Variants in SLC25A46 observed in about 807,000 individuals in gnomAD.
SLC25A46 encodes mitochondrial outer membrane protein SLC25A46.
In SLC25A46, 39 loss-of-function variants were observed where a neutral mutation model predicts 44.6. The ratio of observed to expected loss-of-function variants is 0.87; its 90% CI spans 0.68 to 1.14. The LOEUF (loss-of-function observed/expected upper bound fraction) is 1.14, where lower values mean the gene tolerates loss of function less well. Among genes scored for constraint, SLC25A46 ranks in the 50% most tolerant of loss-of-function variants. SLC25A46 has a pLI of 0.00. For synonymous variants in SLC25A46, 202 were observed against 185.8 expected (o/e 1.09, Z -0.71); for missense variants, 547 against 522.7 (o/e 1.05, Z -0.45).
rs1353261706 is a variant in SLC25A46 at position 110,742,233 on chromosome 5, G to A, written c.326+144G>A. 16 of 531,220 alleles carry A rather than the reference G, an allele frequency of 3.0e-5. No individual in the cohort carries two copies. The African/African-American group carries it at 3.0e-4, about 10-fold the overall frequency. 32.9% of individuals were successfully genotyped at this position (531,220 alleles called of 1,614,324 possible). On this transcript the variant is annotated intron_variant, in intron 2 of 7. Transcript: ENST00000355943. The stretch of plus-strand genomic sequence containing the variant: ...CTTAAATTTTGAATAATATTTTGCA[G>A]AAAAAAAATGACCATTATTTAAAAT...
chr5:110,761,358 T>C lies in SLC25A46; in HGVS notation c.833T>C (p.Ile278Thr). ...TVLHGVLHYI[I>T]SSVIQKFVLL... The stretch of plus-strand genomic sequence containing the variant: ...CTTCATGGAGTTCTTCATTACATCA[T>C]CAGCTCAGTTATTCAGAAGTTTGTC... Residue 278 changes from isoleucine to threonine, a missense_variant, in exon 8 of 8, where the codon ATC becomes ACC. Physicochemically the swap from Ile to Thr is moderately conservative, Grantham distance 89 (BLOSUM62 -1). Transcript: ENST00000355943. This position sits in a 1 kb window ranked among gnomAD's most constrained non-coding sequence, Gnocchi z 5.3. 6.2e-7 allele frequency: 1 copy of C among 1,613,820 alleles called. No homozygotes were observed. The highest frequency in any genetic ancestry group is 1.1e-5 in the South Asian group (1 of 91,078).
chr5:110,743,635 G>T, intron 2 of SLC25A46, 95 bp from the exon 3 acceptor site: 1 of 608,306 alleles, frequency 1.6e-6, no homozygotes, highest in Non-Finnish European at 2.7e-6. Flanking sequence ...AATAATGCAT[G>T]ATTCTTCAGG....
upstream of SLC25A46, chr5:110,738,259 C>A: frequency 7.8e-7 from 1 of 1,285,856 alleles, no homozygotes; most frequent in Non-Finnish European, 1.0e-6. Context: ...TAGTAGGGGA[C>A]GCTCTACAGT....
intron 1 of SLC25A46, among the ~76,000 whole-genome samples, chr5:110,740,516 T>G (rs141675454): frequency 1.1e-4 from 16 of 152,262 alleles, no homozygotes; most frequent in African/African-American, 3.9e-4. Flanking sequence ...TTTTGCAGCC[T>G]TAACAGGTGG....
rs1403291617 is a variant in SLC25A46 at position 110,739,022 on chromosome 5, C to A, written c.-98C>A. ...TCCGGTTGTCAGAATTTACCCCTGA[C>A]GCGGCGGCGGCCGACGGGAAGCTGT... On this transcript the variant is annotated 5_prime_UTR_variant, in exon 1 of 8. Transcript: ENST00000355943. 6.7e-7 allele frequency: 1 copy of A among 1,486,134 alleles called. No individual in the cohort carries two copies. 92.1% of individuals were successfully genotyped at this position (1,486,134 alleles called of 1,614,324 possible). A position where few individuals can be genotyped will look rare whatever the true frequency, so the allele number is the denominator to read the frequency against.
At position 110,739,171 on chromosome 5, in the gene SLC25A46, G is replaced by T. The variant is rs191332512; in HGVS notation, c.52G>T (p.Ala18Ser). The change falls in exon 1 of 8, where the codon GCC (alanine) becomes TCC (serine). Residue 18 changes from alanine to serine, a missense_variant. Ala to Ser is a moderately conservative substitution (Grantham distance 99). Transcript: ENST00000355943. ...TGATGGCTTGGGCTACCGGGGTGGT[G>T]CCCGGGACGAGCAGGGCTTTGGCGG... is the stretch of plus-strand genomic sequence containing the variant. ...GFDGLGYRGG[A>S]RDEQGFGGAF... The T allele has an allele frequency of 6.8e-4, 1,061 of 1,550,642 alleles. 9 individuals are homozygous for T. In the African/African-American group the frequency reaches 0.013, roughly 19 times the overall value.
chr5:110,752,539 T>A (rs1799991350), intron 5 of SLC25A46, among the ~76,000 whole-genome samples: 1 of 152,202 alleles, frequency 6.6e-6, no homozygotes, highest in Admixed American at 6.5e-5. Flanking sequence ...TCTGTGGTTA[T>A]ACCACTGTAA....
chr5:110,745,772 G>T (rs762646267), intron 3 of SLC25A46: 2 of 152,172 alleles, frequency 1.3e-5, no homozygotes, highest in Non-Finnish European at 2.9e-5. Flanking sequence ...GAGATCCAAT[G>T]GATACATTAC....
At chr5:110,755,425 C>T in intron 5 of SLC25A46, 40 bp from the exon 6 acceptor site, 2 of 1,293,290 alleles carry the variant, frequency 1.5e-6, no homozygotes, top group Non-Finnish European at 2.2e-6. Context: ...TTTTAAATAA[C>T]ATGGCTTTTG....
chr5:110,756,976 C>G, intron 7 of SLC25A46: 1 of 366,940 alleles, frequency 2.7e-6, no homozygotes, highest in Non-Finnish European at 4.8e-6. Context: ...TTGTCCTTTC[C>G]ATAGGCAACT....
intron 5 of SLC25A46, chr5:110,754,034 AC>A (rs1561605769): frequency 6.6e-6 from 1 of 152,152 alleles, no homozygotes; most frequent in African/African-American, 2.4e-5. Context: ...GATTTCAGCT[AC>A]ATTGTGTTGT....
intron 1 of SLC25A46, 128 bp downstream of exon 1, chr5:110,739,530 C>T: frequency 7.8e-7 from 1 of 1,274,526 alleles, no homozygotes; most frequent in Non-Finnish European, 1.0e-6. Context: ...GCGCCACACC[C>T]TTTGCCCTCC....
In SLC25A46 at chr5:110,761,459, G is replaced by A. The variant is rs1465932976; in HGVS notation, c.934G>A (p.Ala312Thr). ...STSPVQSMLD[A>T]YFPELIANFA... is the part of the protein sequence containing the mutation. Reference sequence around the variant, plus strand: ...TAGCCCTGTGCAGAGTATGTTGGATGCTTATTTTCCAGAACTTATTGCTAA... The same window carrying A: ...TAGCCCTGTGCAGAGTATGTTGGATACTTATTTTCCAGAACTTATTGCTAA... The change falls in exon 8 of 8, where the codon GCT (alanine) becomes ACT (threonine). Residue 312 changes from alanine to threonine, a missense_variant. Coordinates refer to ENST00000355943, the MANE Select transcript of SLC25A46 (RefSeq NM_138773.4). The surrounding 1 kb of genome is among the most constrained non-coding windows in gnomAD (Gnocchi z 5.3). 1.2e-6 allele frequency: 2 copies of A among 1,613,428 alleles called. No homozygotes were observed. Among genetic ancestry groups the A allele is most frequent in the South Asian group, 2.2e-5 (2 of 91,080 alleles).
chr5:110,745,092 A>G (rs892494744), intron 3 of SLC25A46, among the ~76,000 whole-genome samples: 1 of 152,204 alleles, frequency 6.6e-6, no homozygotes, highest in Non-Finnish European at 1.5e-5. Context: ...TTTACCTACC[A>G]TTGCTTTTGT....
chr5:110,741,127 A>G (rs1197557834), intron 1 of SLC25A46, among the ~76,000 whole-genome samples: 1 of 152,182 alleles, frequency 6.6e-6, no homozygotes, highest in Non-Finnish European at 1.5e-5. Context: ...CACTTGAAAG[A>G]GAAGAGGAGA....
In SLC25A46 at chr5:110,761,844, A is replaced by C; in HGVS notation, c.*62A>C. On this transcript the variant is annotated 3_prime_UTR_variant, in exon 8 of 8. Transcript: ENST00000355943. The surrounding 1 kb of genome is among the most constrained non-coding windows in gnomAD (Gnocchi z 5.3). The stretch of plus-strand genomic sequence containing the variant: ...AATCTGGATAATTTGCTATGAAGTT[A>C]TGAGGGATACAAGTGAAATACTGGG... 7.4e-7 allele frequency: 1 copy of C among 1,354,484 alleles called. No individual in the cohort carries two copies. The highest frequency in any genetic ancestry group is 1.0e-6 in the Non-Finnish European group (1 of 999,216). The allele number at this position is 1,354,484 out of a possible 1,614,324, so 83.9% of individuals were successfully genotyped here.
In SLC25A46 at chr5:110,763,819, A is replaced by AAATT. The variant is rs1440141845; in HGVS notation, c.*2040_*2043dup. The AAATT allele has an allele frequency of 7.2e-5, 11 of 151,856 alleles. No individual in the cohort carries two copies. The highest frequency in any genetic ancestry group is 2.6e-4 in the Admixed American group (4 of 15,196). The allele number at this position is 151,856 out of a possible 1,614,324, so 9.4% of individuals were successfully genotyped here. On this transcript the variant is annotated 3_prime_UTR_variant, in exon 8 of 8. Transcript: ENST00000355943. Reference sequence around the variant, plus strand: ...TTTCCTTTTTGGAGAAAGAGAATACAAATTAACATTAAAATTGAAATGTAG... The same window carrying AAATT: ...TTTCCTTTTTGGAGAAAGAGAATACAAATTAATTAACATTAAAATTGAAATGTAG...
intron 5 of SLC25A46, among the ~76,000 whole-genome samples, chr5:110,752,581 C>T (rs1230649995): frequency 6.6e-6 from 1 of 152,160 alleles, no homozygotes; most frequent in Non-Finnish European, 1.5e-5. Context: ...ACGGTTCCCT[C>T]CGAATTTGCT....
upstream of SLC25A46, chr5:110,738,894 G>A: frequency 8.5e-7 from 1 of 1,176,980 alleles, no homozygotes; most frequent in African/African-American, 1.6e-5. Context: ...AACTTTTAAG[G>A]TCCAGGTTAC....
Sources: allele counts gnomAD v4.1 joint callset (sites outside exome capture counted in the v4.1 genomes callset), GRCh38; gene constraint gnomAD v4.1.1; non-coding constraint Gnocchi (gnomAD v3.1); transcripts MANE v1.5; gene names NCBI Gene and HGNC (gene_info 2026-07-23, HGNC 2026-07-21).